Variants in DLGAP1 observed in about 807,000 individuals in gnomAD.
DLGAP1 encodes disks large-associated protein 1.
In DLGAP1, 11 loss-of-function variants were observed where a neutral mutation model predicts 90.8. That is an observed-to-expected ratio of 0.12 (90% CI 0.08 to 0.20). DLGAP1 has a LOEUF of 0.20. Among genes scored for constraint, DLGAP1 ranks in the 10% least tolerant of loss-of-function variants. DLGAP1 has a pLI of 1.00. For missense variants in DLGAP1, 1,050 were observed against 1,333.8 expected, an observed-to-expected ratio of 0.79 and a Z score of 3.31; for synonymous variants, 558 against 540.7, an observed-to-expected ratio of 1.03 and a Z score of -0.44.
At chr18:3,551,756 CTTCCTTCCTTCCTTCT>C (rs1423030681) in intron 9 of DLGAP1, among the ~76,000 whole-genome samples, 4 of 89,548 alleles carry the variant, frequency 4.5e-5, no homozygotes, top group African/African-American at 1.4e-4. Context: ...TCCTTCCTTC[CTTCCTTCCTTCCTTCT>C]TTCCTTCCTT....
intron 1 of DLGAP1, among the ~76,000 whole-genome samples, chr18:4,427,205 TATC>T (rs2083177315): frequency 6.6e-6 from 1 of 152,170 alleles, no homozygotes; most frequent in Non-Finnish European, 1.5e-5. Context: ...GTGGTAGTGA[TATC>T]ATATTGAGCA....
Position 3,879,762 on chromosome 18 carries a change from G to C in DLGAP1, c.307C>G (p.Leu103Val), listed in dbSNP as rs766328927. The change falls in exon 4 of 13, where the codon CTG (leucine) becomes GTG (valine). Residue 103 changes from leucine (L) to valine (V), a missense_variant. Leu to Val is a conservative substitution (Grantham distance 32, BLOSUM62 1). Around this residue, in one of 2 missense-constraint regions of DLGAP1, gnomAD observed 485 missense variants for 454.1 expected, o/e 1.07. Coordinates refer to ENST00000315677, the MANE Select transcript of DLGAP1 (RefSeq NM_004746.4). The surrounding 1 kb of genome is among the most constrained non-coding windows in gnomAD (Gnocchi z 6.6). ...AGCTGCCGCTCGAACTGGTCCAGCA[G>C]GTTGGCGGGGATGCGGTTCGCCTTG... Reference protein sequence around the residue: ...ATKANRIPANLLDQFERQLPL... With the variant: ...ATKANRIPANVLDQFERQLPL... 3 of 1,608,014 alleles carry C rather than the reference G, an allele frequency of 1.9e-6. No homozygotes were observed. The highest frequency in any genetic ancestry group is 2.5e-6 in the Non-Finnish European group (3 of 1,179,920).
chr18:3,961,439 G>C (rs1057273593), intron 3 of DLGAP1, among the ~76,000 whole-genome samples: 57 of 152,172 alleles, frequency 3.7e-4, no homozygotes, highest in African/African-American at 1.3e-3. Context: ...TCAAAGATGA[G>C]AGCAGGCCAG....
chr18:3,604,708 T>A (rs1470479539), intron 7 of DLGAP1, among the ~76,000 whole-genome samples: 1 of 152,188 alleles, frequency 6.6e-6, no homozygotes, highest in East Asian at 1.9e-4. Flanking sequence ...ACAGTTTTAA[T>A]GTTATCTTCT....
chr18:3,683,383 T>C (rs887128671), intron 7 of DLGAP1, among the ~76,000 whole-genome samples: 14 of 152,308 alleles, frequency 9.2e-5, no homozygotes, highest in African/African-American at 2.9e-4. Flanking sequence ...AAGCAAGAAC[T>C]GTTCTGATAC....
At chr18:3,581,825 T>C (rs762530681) in intron 8 of DLGAP1, 50 bp downstream of exon 8, 1 of 1,592,562 alleles carries the variant, frequency 6.3e-7, no homozygotes, top group Non-Finnish European at 8.6e-7. Flanking sequence ...AAGTGTTACA[T>C]TCCTTAGTTT....
At chr18:4,381,073 C>A (rs1004683020) in intron 1 of DLGAP1, among the ~76,000 whole-genome samples, 10 of 152,016 alleles carry the variant, frequency 6.6e-5, no homozygotes, top group African/African-American at 2.4e-4. Flanking sequence ...CATAGTATCA[C>A]CCAGGTGGTT....
intron 2 of DLGAP1, among the ~76,000 whole-genome samples, chr18:4,072,105 T>C (rs2143480657): frequency 6.6e-6 from 1 of 152,300 alleles, no homozygotes; most frequent in South Asian, 2.1e-4. Context: ...GTACTGCTAA[T>C]GGTGAATATT....
intron 7 of DLGAP1, among the ~76,000 whole-genome samples, chr18:3,588,024 T>G (rs1568250618): frequency 6.6e-6 from 1 of 152,254 alleles, no homozygotes; most frequent in Non-Finnish European, 1.5e-5. Flanking sequence ...GAAATTATTT[T>G]TTTCCTCATC....
intron 1 of DLGAP1, among the ~76,000 whole-genome samples, chr18:4,240,173 C>A (rs1598701787): frequency 6.6e-6 from 1 of 152,106 alleles, no homozygotes; most frequent in East Asian, 1.9e-4. Context: ...TGAATAATTA[C>A]TGTTTACATA....
chr18:3,574,516 G>A (rs879103075), intron 8 of DLGAP1, among the ~76,000 whole-genome samples: 3 of 152,032 alleles, frequency 2.0e-5, no homozygotes, highest in African/African-American at 7.2e-5. Context: ...TCTGTTTAGC[G>A]TTAATTTCTA....
At chr18:3,710,812 G>C (rs1281501578) in intron 7 of DLGAP1, among the ~76,000 whole-genome samples, 2 of 152,242 alleles carry the variant, frequency 1.3e-5, no homozygotes, top group Non-Finnish European at 2.9e-5. Context: ...GGAGGTGGAG[G>C]AAGGACTCCA....
Position 4,418,664 on chromosome 18 carries a change from A to G in DLGAP1, c.-267+36342T>C, listed in dbSNP as rs188812550. On this transcript the variant is annotated intron_variant, in intron 1 of 12. Coordinates refer to ENST00000315677, the MANE Select transcript of DLGAP1 (RefSeq NM_004746.4). ...CAATAGAAACTACTCAAATAGAAATATATAGAGAAAAATGTTTGGAAAAAA... is the reference window on the plus strand; with the variant it reads ...CAATAGAAACTACTCAAATAGAAATGTATAGAGAAAAATGTTTGGAAAAAA... Among the ~76,000 whole-genome samples, 196 of 152,292 alleles carry G rather than the reference A, an allele frequency of 1.3e-3. 1 individual carries two copies. Among genetic ancestry groups the G allele is most frequent in the African/African-American group, 4.5e-3 (188 of 41,578 alleles).
chr18:4,008,865 C>A (rs192944546), intron 2 of DLGAP1, among the ~76,000 whole-genome samples: 1 of 152,180 alleles, frequency 6.6e-6, no homozygotes, highest in African/African-American at 2.4e-5. Flanking sequence ...GCTGATGAAG[C>A]CTTGCTACAG....
chr18:4,096,164 T>C (rs1409725942), intron 2 of DLGAP1, among the ~76,000 whole-genome samples: 1 of 152,138 alleles, frequency 6.6e-6, no homozygotes, highest in South Asian at 2.1e-4. Context: ...TAGCTGGGAT[T>C]GCAGGTGTGT....
At chr18:4,370,717 C>T (rs1358015852) in intron 1 of DLGAP1, among the ~76,000 whole-genome samples, 2 of 152,040 alleles carry the variant, frequency 1.3e-5, no homozygotes, top group Admixed American at 6.5e-5. Context: ...CATATCTTTA[C>T]ACTGCTTGTC....
At chr18:3,699,235 G>A (rs967279398) in intron 7 of DLGAP1, among the ~76,000 whole-genome samples, 8 of 152,068 alleles carry the variant, frequency 5.3e-5, no homozygotes, top group South Asian at 2.1e-4. Flanking sequence ...TCTGGTTTTC[G>A]GAATTTTCAG....
At chr18:4,019,814 C>CGT (rs2074579951) in intron 2 of DLGAP1, among the ~76,000 whole-genome samples, 1 of 141,410 alleles carries the variant, frequency 7.1e-6, no homozygotes, top group Non-Finnish European at 1.5e-5. Context: ...CGCGTGTGCG[C>CGT]GCACACACAC....
chr18:4,344,195 A>G (rs935440467), intron 1 of DLGAP1, among the ~76,000 whole-genome samples: 3 of 152,202 alleles, frequency 2.0e-5, no homozygotes, highest in African/African-American at 4.8e-5. Context: ...TGTTAGTAGT[A>G]GCTAACATGT....
Sources: allele counts gnomAD v4.1 joint callset (sites outside exome capture counted in the v4.1 genomes callset), GRCh38; gene constraint gnomAD v4.1.1; regional missense constraint gnomAD v4.1.1; non-coding constraint Gnocchi (gnomAD v3.1); transcripts MANE v1.5; gene names NCBI Gene and HGNC (gene_info 2026-07-23, HGNC 2026-07-21).